The following KIF26B variants were observed in gnomAD, a reference collection of about 807,000 sequenced individuals.
KIF26B encodes the protein kinesin family member 26B.
Under a neutral mutation model 151.2 loss-of-function variants are expected in KIF26B, and 63 were observed. The ratio of observed to expected loss-of-function variants is 0.42; its 90% CI spans 0.34 to 0.51. The LOEUF (loss-of-function observed/expected upper bound fraction) is 0.51. KIF26B is among the 20% of genes least tolerant of loss of function. The pLI, the probability that KIF26B is intolerant of heterozygous loss-of-function variation, is 0.07. For synonymous variants in KIF26B, 1,357 were observed against 1,262.1 expected (o/e 1.08, Z -1.59); for missense variants, 2,813 against 2,913.6 (o/e 0.97, Z 0.79).
intron 2 of KIF26B, among the ~76,000 whole-genome samples, chr1:245,181,332 C>T (rs776350213): frequency 6.6e-5 from 10 of 151,986 alleles, no homozygotes; most frequent in Non-Finnish European, 1.0e-4. Flanking sequence ...TGCTTGGCAG[C>T]CTTGGTGTAG....
chr1:245,386,600 G>A (rs1016755834), intron 3 of KIF26B, among the ~76,000 whole-genome samples: 8 of 152,132 alleles, frequency 5.3e-5, no homozygotes, highest in Admixed American at 1.3e-4. Flanking sequence ...TGTGGCGTAG[G>A]TAAACACAGC....
rs34284207 is a variant in KIF26B at position 245,636,350 on chromosome 1, GTT to G, written c.2099-9761_2099-9760del. 3.8e-3 allele frequency among the ~76,000 whole-genome samples: 551 copies of G among 145,536 alleles called. 5 individuals are homozygous for G. The highest frequency in any genetic ancestry group is 0.013 in the African/African-American group (501 of 39,122). ...ATTATCTCATTTCTCATTATAGAAC[GTT>G]TTTTTTTTTGACTCTAACAACATTT... On this transcript the variant is annotated intron_variant, in intron 9 of 14. Transcript: ENST00000407071.
chr1:245,613,080 G>C (rs897259013), intron 9 of KIF26B, among the ~76,000 whole-genome samples: 44 of 152,280 alleles, frequency 2.9e-4, no homozygotes, highest in African/African-American at 1.0e-3. Flanking sequence ...CTGCTGGGCT[G>C]GCCGGGCAGT....
intron 5 of KIF26B, among the ~76,000 whole-genome samples, chr1:245,565,128 C>G (rs1044977964): frequency 6.6e-6 from 1 of 152,118 alleles, no homozygotes; most frequent in African/African-American, 2.4e-5. Flanking sequence ...GCGAGACCCT[C>G]TCTATAAAAA....
At chr1:245,306,572 T>A (rs903478289) in intron 2 of KIF26B, among the ~76,000 whole-genome samples, 1 of 152,230 alleles carries the variant, frequency 6.6e-6, no homozygotes, top group African/African-American at 2.4e-5. Flanking sequence ...TGCTCTAAAA[T>A]GTATCCACTG....
At chr1:245,509,276 T>C (rs1660783716) in intron 4 of KIF26B, among the ~76,000 whole-genome samples, 3 of 152,172 alleles carry the variant, frequency 2.0e-5, no homozygotes, top group African/African-American at 4.8e-5. Context: ...CAAGATGGGA[T>C]TGGAGCCGTT....
intron 2 of KIF26B, among the ~76,000 whole-genome samples, chr1:245,205,709 CTTTTCTT>C (rs1419183662): frequency 4.7e-5 from 4 of 84,568 alleles, no homozygotes; most frequent in South Asian, 5.7e-4. Context: ...TCTTTCTTTT[CTTTTCTT>C]TTTTTTTTTT....
chr1:245,467,557 CCT>C (rs1223161898), intron 4 of KIF26B, among the ~76,000 whole-genome samples: 2 of 152,154 alleles, frequency 1.3e-5, no homozygotes, highest in African/African-American at 4.8e-5. Flanking sequence ...GATCTGAATT[CCT>C]AATGGGCCCC....
Position 245,688,567 on chromosome 1 carries a change from C to T in KIF26B, c.5584C>T (p.Arg1862Cys), listed in dbSNP as rs760566763. The T allele has an allele frequency of 8.4e-6, 13 of 1,555,448 alleles. No individual in the cohort carries two copies. In the African/African-American group the frequency reaches 9.6e-5, roughly 11 times the overall value. Residue 1862 changes from arginine to cysteine, a missense_variant, in exon 12 of 15, where the codon CGC (arginine) becomes TGC (cysteine). This residue lies in a region of KIF26B where 2,060 missense variants were observed against 2,088.6 expected (regional missense o/e 0.99). Transcript: ENST00000407071. ...GATCACGCCCCCGCGGAGGCCCCACCGCTGCAGCAGCGGCCACGGCAGCGA... is the reference window on the plus strand; with the variant it reads ...GATCACGCCCCCGCGGAGGCCCCACTGCTGCAGCAGCGGCCACGGCAGCGA... ...SKITPPRRPH[R>C]CSSGHGSDNS...
At chr1:245,649,251 G>C (rs1414275524) in intron 10 of KIF26B, among the ~76,000 whole-genome samples, 2 of 152,206 alleles carry the variant, frequency 1.3e-5, no homozygotes, top group Non-Finnish European at 2.9e-5. Context: ...CCTCTTTTGA[G>C]GTACAGGAAG....
At chr1:245,580,980 G>A (rs1462067213) in intron 5 of KIF26B, among the ~76,000 whole-genome samples, 1 of 152,234 alleles carries the variant, frequency 6.6e-6, no homozygotes, top group Non-Finnish European at 1.5e-5. Flanking sequence ...CCCGAGACAA[G>A]GGTTTTGTCC....
intron 4 of KIF26B, among the ~76,000 whole-genome samples, chr1:245,515,768 A>G (rs1660948536): frequency 6.6e-6 from 1 of 152,202 alleles, no homozygotes; most frequent in African/African-American, 2.4e-5. Flanking sequence ...GTGAGCAACA[A>G]AACTTTTCAT....
chr1:245,509,733 G>A (rs1416313346), intron 4 of KIF26B, among the ~76,000 whole-genome samples: 2 of 152,168 alleles, frequency 1.3e-5, no homozygotes, highest in Non-Finnish European at 1.5e-5. Context: ...TCCACATGGA[G>A]AAACACAGGT....
rs777401038 is a variant in KIF26B at position 245,358,469 on chromosome 1, G to A, written c.466-8365G>A. ...TGGGAGGCCGAGCTTGCAGTGAGCCGAGATCGCGCCACTGTACTCCAGCCT... is the reference window on the plus strand; with the variant it reads ...TGGGAGGCCGAGCTTGCAGTGAGCCAAGATCGCGCCACTGTACTCCAGCCT... On this transcript the variant is annotated intron_variant, in intron 2 of 14. Transcript: ENST00000407071. This position sits in a 1 kb window ranked among gnomAD's most constrained non-coding sequence, Gnocchi z 4.1. 2.6e-5 allele frequency among the ~76,000 whole-genome samples: 4 copies of A among 152,136 alleles called. No homozygotes were observed. Among genetic ancestry groups the A allele is most frequent in the Non-Finnish European group, 5.9e-5 (4 of 68,030 alleles).
At chr1:245,466,335 T>TGAGACGTCTTGAGAC (rs1659792459) in intron 4 of KIF26B, among the ~76,000 whole-genome samples, 1 of 152,156 alleles carries the variant, frequency 6.6e-6, no homozygotes, top group East Asian at 1.9e-4. Flanking sequence ...CTTCTTTTCT[T>TGAGACGTCTTGAGAC]GTTTCTCTGT....
intron 6 of KIF26B, among the ~76,000 whole-genome samples, chr1:245,603,014 A>G (rs894159680): frequency 7.2e-5 from 11 of 151,920 alleles, no homozygotes; most frequent in African/African-American, 2.7e-4. Context: ...CCTTGGGGAG[A>G]AGGAAGTGTG....
intron 2 of KIF26B, among the ~76,000 whole-genome samples, chr1:245,296,137 A>T (rs1164182972): frequency 6.6e-6 from 1 of 151,628 alleles, no homozygotes; most frequent in Non-Finnish European, 1.5e-5. Context: ...GACTTTGGGG[A>T]AGGAAGTTTT....
chr1:245,292,592 A>C (rs979717847), intron 2 of KIF26B, among the ~76,000 whole-genome samples: 1 of 152,178 alleles, frequency 6.6e-6, no homozygotes, highest in Non-Finnish European at 1.5e-5. Flanking sequence ...TCATTTAAAA[A>C]ATGTGGTAAC....
intron 5 of KIF26B, among the ~76,000 whole-genome samples, chr1:245,558,304 C>T (rs1391433521): frequency 6.6e-6 from 1 of 152,200 alleles, no homozygotes; most frequent in Non-Finnish European, 1.5e-5. Flanking sequence ...GGCTCCCTGG[C>T]CTCTAGTTCC....
Sources: gnomAD v4.1 joint callset for allele counts (sites outside exome capture counted in the v4.1 genomes callset) on GRCh38, gnomAD v4.1.1 for gene constraint, gnomAD v4.1.1 regional missense constraint, Gnocchi (gnomAD v3.1) non-coding constraint, MANE v1.5 for transcripts, NCBI Gene and HGNC (gene_info 2026-07-23, HGNC 2026-07-21) for gene names.